KIF20B: variants seen among roughly 807,000 people sequenced by gnomAD.
KIF20B encodes the protein kinesin-like protein KIF20B.
A neutral mutation model predicts 232.5 loss-of-function variants in KIF20B; 188 were observed. That is an observed-to-expected ratio of 0.81 (90% CI 0.72 to 0.91). The LOEUF (loss-of-function observed/expected upper bound fraction) is 0.91. Ranked by LOEUF, KIF20B falls within the 40% of genes least tolerant of loss-of-function variation. The pLI is 0.00. For missense variants in KIF20B, 2,154 were observed against 2,055.9 expected (o/e 1.05, Z -0.92); for synonymous variants, 712 against 683.0 (o/e 1.04, Z -0.66).
intron 29 of KIF20B, among the ~76,000 whole-genome samples, chr10:89,765,352 A>G (rs1564676039): frequency 6.6e-6 from 1 of 152,198 alleles, no homozygotes; most frequent in African/African-American, 2.4e-5. Context: ...CTCTTCAAGA[A>G]GAACTACAAA....
At position 89,716,416 on chromosome 10, in the gene KIF20B, A is replaced by G; in HGVS notation, c.941-20A>G. 5 of 1,002,598 alleles carry G rather than the reference A, an allele frequency of 5.0e-6. No individual in the cohort carries two copies. The highest frequency in any genetic ancestry group is 1.4e-5 in the South Asian group (1 of 69,984). 62.1% of individuals were successfully genotyped at this position (1,002,598 alleles called of 1,614,324 possible). A position where few individuals can be genotyped will look rare whatever the true frequency, so the allele number is the denominator to read the frequency against. ...TCTTTGTCTCAATAAATTAATATATATCCTCTTTATTTTTTAAAGATCTAC... is the reference window on the plus strand; with the variant it reads ...TCTTTGTCTCAATAAATTAATATATGTCCTCTTTATTTTTTAAAGATCTAC... On this transcript the variant is annotated intron_variant, in intron 8 of 32. Coordinates refer to ENST00000371728, the MANE Select transcript of KIF20B (RefSeq NM_001284259.2).
chr10:89,713,469 A>G (rs913768547), intron 6 of KIF20B, among the ~76,000 whole-genome samples: 1 of 152,082 alleles, frequency 6.6e-6, no homozygotes, highest in Non-Finnish European at 1.5e-5. Context: ...GCTTTCATAT[A>G]TTGTAAATGG....
At chr10:89,761,478 T>TAAA (rs71471138) in intron 28 of KIF20B, among the ~76,000 whole-genome samples, 2 of 143,772 alleles carry the variant, frequency 1.4e-5, no homozygotes, top group African/African-American at 2.5e-5. Flanking sequence ...GGAAAAGTCT[T>TAAA]AAAAAAAAAA....
rs1415106024 is a variant in KIF20B at position 89,726,312 on chromosome 10, G to A, written c.2021G>A (p.Gly674Glu). The A allele has an allele frequency of 1.9e-6, 3 of 1,548,536 alleles. No homozygotes were observed. The African/African-American group carries it at 4.1e-5, about 21-fold the overall frequency. ...TTTTAGGAAACACATAATTATGTAG[G>A]ATTTGAAGATATTATTGATTCTCTT... The part of the protein sequence containing the change: ...VETEETHNYV[G>E]FEDIIDSLQD... Residue 674 changes from glycine (G) to glutamate (E), a missense_variant, in exon 16 of 33, where the codon GGA (glycine) becomes GAA (glutamate). Gly to Glu is a moderately conservative substitution (Grantham distance 98). Transcript: ENST00000371728.
At position 89,715,024 on chromosome 10, in the gene KIF20B, T is replaced by G; in HGVS notation, c.782T>G (p.Leu261Trp). Residue 261 changes from leucine (L) to tryptophan (W), a missense_variant, in exon 8 of 33, where the codon TTG becomes TGG. Physicochemically the swap from Leu to Trp is moderately conservative, Grantham distance 61. Coordinates refer to ENST00000371728, the MANE Select transcript of KIF20B (RefSeq NM_001284259.2). ...ATAAAAGATTATGAACAAGCCAACT[T>G]GAATATGGCTAATAGTATAAAATTT... ...ESIKDYEQAN[L>W]NMANSIKFSV... 6.2e-7 allele frequency: 1 copy of G among 1,605,358 alleles called. No homozygotes were observed. The highest frequency in any genetic ancestry group is 8.5e-7 in the Non-Finnish European group (1 of 1,175,558).
Position 89,719,456 on chromosome 10 carries a change from A to T in KIF20B, c.1472A>T (p.Lys491Ile). Residue 491 changes from lysine to isoleucine, a missense_variant, in exon 13 of 33, where the codon AAA becomes ATA. Coordinates refer to ENST00000371728, the MANE Select transcript of KIF20B (RefSeq NM_001284259.2). Reference protein sequence around the residue: ...VPDTLNSSQEKLFGPVKSSQD... With the variant: ...VPDTLNSSQEILFGPVKSSQD... Reference sequence around the variant, plus strand: ...GACACTTTAAATTCCTCTCAAGAGAAATTATTTGGACCTGTCAAATCTTCT... The same window carrying T: ...GACACTTTAAATTCCTCTCAAGAGATATTATTTGGACCTGTCAAATCTTCT... 6.3e-7 allele frequency: 1 copy of T among 1,592,814 alleles called. No homozygotes were observed. The highest frequency in any genetic ancestry group is 8.5e-7 in the Non-Finnish European group (1 of 1,172,270).
chr10:89,752,351 T>G (rs1842037966), intron 24 of KIF20B, among the ~76,000 whole-genome samples: 1 of 152,104 alleles, frequency 6.6e-6, no homozygotes, highest in South Asian at 2.1e-4. Flanking sequence ...GTGAATACTA[T>G]TCATTGGATT....
In KIF20B at chr10:89,737,881, A is replaced by G. The variant is rs1589867203; in HGVS notation, c.3040A>G (p.Asn1014Asp). ...IDLLNLRDLS[N>D]GSEEDNLPNT... ...TTTGCTCAATCTCAGGGATCTGTCA[A>G]ATGGTTCTGAGGAGGATAATTTGCC... Residue 1014 changes from asparagine to aspartate, a missense_variant, in exon 20 of 33, where the codon AAT becomes GAT. Transcript: ENST00000371728. 6.2e-7 allele frequency: 1 copy of G among 1,613,500 alleles called. No individual in the cohort carries two copies. Among genetic ancestry groups the G allele is most frequent in the South Asian group, 1.1e-5 (1 of 91,058 alleles).
intron 22 of KIF20B, 47 bp downstream of exon 22, chr10:89,743,974 A>G (rs1212377141): frequency 2.0e-6 from 3 of 1,503,618 alleles, no homozygotes; most frequent in Admixed American, 4.4e-5. Context: ...TTCTCTTGGT[A>G]TATTTTAGTG....
chr10:89,708,726 A>G (rs1286594239), intron 2 of KIF20B, among the ~76,000 whole-genome samples: 1 of 152,200 alleles, frequency 6.6e-6, no homozygotes, highest in Non-Finnish European at 1.5e-5. Flanking sequence ...ATTTCTTTAA[A>G]ATTACATTTT....
chr10:89,732,815 A>G (rs1843355352), intron 18 of KIF20B, 88 bp from the exon 19 acceptor site: 2 of 1,156,676 alleles, frequency 1.7e-6, no homozygotes, highest in Non-Finnish European at 2.3e-6. Context: ...TAAAATTTTT[A>G]TGGTACACCA....
chr10:89,725,769 T>G (rs966935881), intron 15 of KIF20B, among the ~76,000 whole-genome samples: 29 of 152,308 alleles, frequency 1.9e-4, no homozygotes, highest in African/African-American at 6.0e-4. Flanking sequence ...AGAAAAATTA[T>G]CCTTTTCTGC....
At chr10:89,732,839 A>G in intron 18 of KIF20B, 64 bp from the exon 19 acceptor site, 6 of 1,344,154 alleles carry the variant, frequency 4.5e-6, no homozygotes, top group Admixed American at 2.6e-5. Context: ...AAAGTAATTT[A>G]TGTGATTTGT....
intron 14 of KIF20B, 78 bp from the exon 15 acceptor site, chr10:89,724,942 T>C (rs910810886): frequency 2.6e-5 from 37 of 1,408,192 alleles, no homozygotes; most frequent in Non-Finnish European, 3.4e-5. Context: ...TAGAATATAC[T>C]TAAACTTAGA....
chr10:89,759,510 ATG>A (rs1448261447), intron 27 of KIF20B, among the ~76,000 whole-genome samples: 1 of 152,066 alleles, frequency 6.6e-6, no homozygotes, highest in Non-Finnish European at 1.5e-5. Flanking sequence ...AAAAATATGT[ATG>A]TGTGTGTCAC....
Position 89,772,838 on chromosome 10 carries a change from T to A in KIF20B, c.5385+7T>A. The A allele has an allele frequency of 6.3e-7, 1 of 1,598,878 alleles. No homozygotes were observed. Among genetic ancestry groups the A allele is most frequent in the Non-Finnish European group, 8.5e-7 (1 of 1,174,288 alleles). On this transcript the variant is annotated splice_region_variant and intron_variant, in intron 32 of 32. Transcript: ENST00000371728. ...TGATATATCAGGCCAAGTGGTAAGC[T>A]AGTATTTCTGTTTTCATCAATGTAG...
intron 31 of KIF20B, among the ~76,000 whole-genome samples, chr10:89,772,146 CT>C (rs1369510932): frequency 3.6e-4 from 55 of 152,148 alleles, no homozygotes; most frequent in Admixed American, 2.5e-3. Flanking sequence ...GTACTATGTA[CT>C]ATGTACATAG....
intron 4 of KIF20B, 76 bp downstream of exon 4, chr10:89,709,537 A>G: frequency 1.1e-6 from 1 of 935,404 alleles, no homozygotes; most frequent in Non-Finnish European, 1.7e-6. Flanking sequence ...ATATAATTGT[A>G]TATAATGAAC....
chr10:89,726,639 A>C, intron 16 of KIF20B, 118 bp downstream of exon 16: 2 of 798,854 alleles, frequency 2.5e-6, no homozygotes, highest in Non-Finnish European at 3.5e-6. Context: ...TCTTTCATCT[A>C]GGTAACATAT....
Sources: allele counts gnomAD v4.1 joint callset (sites outside exome capture counted in the v4.1 genomes callset), GRCh38; gene constraint gnomAD v4.1.1; transcripts MANE v1.5; gene names NCBI Gene and HGNC (gene_info 2026-07-23, HGNC 2026-07-21).